The following ANKRD36B variants were observed in gnomAD, a reference collection of about 807,000 sequenced individuals.
ANKRD36B encodes the protein ankyrin repeat domain 36B.
ANKRD36B carries 37 observed loss-of-function variants against 135.7 expected under a neutral mutation model. That is an observed-to-expected ratio of 0.27 (90% confidence interval 0.21 to 0.36). The LOEUF (loss-of-function observed/expected upper bound fraction) is 0.36. Among genes scored for constraint, ANKRD36B ranks in the 10% least tolerant of loss-of-function variants. The pLI is 1.00. For missense variants in ANKRD36B, 549 were observed against 1,037.1 expected, an observed-to-expected ratio of 0.53 and a Z score of 6.46; for synonymous variants, 179 against 348.1, an observed-to-expected ratio of 0.51 and a Z score of 5.41.
chr2:97,586,205 A>G (rs1458184305), intron 1 of ANKRD36B, among the ~76,000 whole-genome samples: 13 of 152,288 alleles, frequency 8.5e-5, no homozygotes, highest in African/African-American at 3.1e-4. Context: ...TCTTACTTCA[A>G]CTTTCAAAAA....
chr2:97,525,557 T>C (rs1329846663), intron 35 of ANKRD36B, among the ~76,000 whole-genome samples: 1 of 95,388 alleles, frequency 1.0e-5, no homozygotes, highest in Non-Finnish European at 2.8e-5. Flanking sequence ...GGGTGCAGGA[T>C]AGTGGGTGCA....
At chr2:97,542,797 C>T (rs1369263113) in intron 26 of ANKRD36B, among the ~76,000 whole-genome samples, 1 of 125,368 alleles carries the variant, frequency 8.0e-6, no homozygotes, top group Non-Finnish European at 1.8e-5. Context: ...CAATAAAAAG[C>T]ATCATCAATT....
At chr2:97,566,213 C>T (rs1021888162) in intron 6 of ANKRD36B, among the ~76,000 whole-genome samples, 4 of 151,694 alleles carry the variant, frequency 2.6e-5, no homozygotes, top group Admixed American at 2.6e-4. Context: ...CCCAGCTACT[C>T]GGGAGGCTGA....
intron 6 of ANKRD36B, among the ~76,000 whole-genome samples, chr2:97,571,419 G>A (rs561289986): frequency 2.6e-5 from 4 of 151,868 alleles, no homozygotes; most frequent in South Asian, 4.2e-4. Flanking sequence ...AGGCTGGGGC[G>A]GGCGGATCAC....
At chr2:97,500,352 TAAA>T (rs2077340230) in intron 43 of ANKRD36B, among the ~76,000 whole-genome samples, 1 of 95,458 alleles carries the variant, frequency 1.0e-5, no homozygotes, top group Non-Finnish European at 2.9e-5. Flanking sequence ...AGAAAAAATT[TAAA>T]AACATATTTT....
At chr2:97,544,271 G>A (rs1559145622) in intron 24 of ANKRD36B, among the ~76,000 whole-genome samples, 1 of 81,842 alleles carries the variant, frequency 1.2e-5, no homozygotes, top group East Asian at 2.6e-4. Context: ...CAAGTGATGA[G>A]GACAAATGTG....
Position 97,527,498 on chromosome 2 carries a change from A to G in ANKRD36B, c.2266-4031T>C, listed in dbSNP as rs969219693. ...AGACTAGGAAGAAACTGCATTAACT[A>G]ACGAGCAAAATAACTAGCTAACATC... is the stretch of plus-strand genomic sequence containing the variant. On this transcript the variant is annotated intron_variant, in intron 35 of 43. Coordinates refer to ENST00000359901, the MANE Select transcript of ANKRD36B (RefSeq NM_001393939.1). 4.2e-5 allele frequency among the ~76,000 whole-genome samples: 4 copies of G among 94,636 alleles called. 1 individual carries two copies. The highest frequency in any genetic ancestry group is 1.3e-4 in the African/African-American group (4 of 31,350). 62.1% of individuals were successfully genotyped at this position (94,636 alleles called of 152,430 possible). A position where few individuals can be genotyped will look rare whatever the true frequency, so the allele number is the denominator to read the frequency against.
chr2:97,556,838 A>G, intron 12 of ANKRD36B, 99 bp downstream of exon 12: 3 of 1,499,556 alleles, frequency 2.0e-6, no homozygotes, highest in South Asian at 1.3e-5. Context: ...GCTGAATCAG[A>G]AAGTGCATTT....
rs541422550 is a variant in ANKRD36B, at chr2:97,574,666, G to A, written c.763+1713C>T. 1.1e-4 allele frequency among the ~76,000 whole-genome samples: 16 copies of A among 152,238 alleles called. No homozygotes were observed. The East Asian group carries it at 2.5e-3, about 24-fold the overall frequency. ...TTATGATTCCATGTTGGAGAGAGTC[G>A]GGATGTATGTGCTTTGGACAAGGTG... On this transcript the variant is annotated intron_variant, in intron 6 of 43. Transcript: ENST00000359901.
At chr2:97,572,868 C>T (rs983413572) in intron 6 of ANKRD36B, among the ~76,000 whole-genome samples, 1 of 151,096 alleles carries the variant, frequency 6.6e-6, no homozygotes, top group Non-Finnish European at 1.5e-5. Flanking sequence ...TTCTCCATGA[C>T]ATTATATAAA....
At position 97,541,277 on chromosome 2, in the gene ANKRD36B, C is replaced by G. The variant is rs1236190221; in HGVS notation, c.1885+634G>C. Among the ~76,000 whole-genome samples the G allele has an allele frequency of 1.2e-4, 12 of 96,576 alleles. 5 individuals are homozygous for G. The highest frequency in any genetic ancestry group is 3.7e-4 in the African/African-American group (12 of 32,384). 63.4% of individuals were successfully genotyped at this position (96,576 alleles called of 152,430 possible). A position where few individuals can be genotyped will look rare whatever the true frequency, so the allele number is the denominator to read the frequency against. ...AGAGTAATGAGTCAGTGTGCTTTATCCCAATTCTAGCATTGTTTCCTGCTT... is the reference window on the plus strand; with the variant it reads ...AGAGTAATGAGTCAGTGTGCTTTATGCCAATTCTAGCATTGTTTCCTGCTT... On this transcript the variant is annotated intron_variant, in intron 28 of 43. Transcript: ENST00000359901.
rs1293285653 is a variant in ANKRD36B at position 97,585,312 on chromosome 2, T to C, written c.248A>G (p.Asp83Gly). 18 of 1,575,746 alleles carry C rather than the reference T, an allele frequency of 1.1e-5. No individual in the cohort carries two copies. The highest frequency in any genetic ancestry group is 1.3e-5 in the Non-Finnish European group (15 of 1,158,988). ...GATCAGAGGTGTCCTGTCTTCACGG[T>C]CGCAGAGGTTAAGCTCACATCTTCT... ...VSRRCELNLCDREDRTPLIKA... is the reference protein window; with the variant it reads ...VSRRCELNLCGREDRTPLIKA... Residue 83 changes from aspartate (D) to glycine (G), a missense_variant, in exon 2 of 44, where the codon GAC becomes GGC. Coordinates refer to ENST00000359901, the MANE Select transcript of ANKRD36B (RefSeq NM_001393939.1).
At position 97,555,216 on chromosome 2, in the gene ANKRD36B, A is replaced by G. The variant is rs776829547; in HGVS notation, c.1098+10T>C. The G allele has an allele frequency of 1.1e-5, 17 of 1,611,208 alleles. No individual in the cohort carries two copies. The highest frequency in any genetic ancestry group is 1.7e-4 in the Middle Eastern group (1 of 6,058). ...TTACTAATACAAAATATAAATGAGA[A>G]TTTAATTACCTTTGAGGCTGGTTGT... is the stretch of plus-strand genomic sequence containing the variant. On this transcript the variant is annotated intron_variant, in intron 13 of 43. Coordinates refer to ENST00000359901, the MANE Select transcript of ANKRD36B (RefSeq NM_001393939.1).
At position 97,526,978 on chromosome 2, in the gene ANKRD36B, C is replaced by G. The variant is rs187720389; in HGVS notation, c.2266-3511G>C. On this transcript the variant is annotated intron_variant, in intron 35 of 43. Transcript: ENST00000359901. ...GAATGGAACCAAGTTGGAAAACACTCTTCAGGATATTATCCAGGAGAACTT... is the reference window on the plus strand; with the variant it reads ...GAATGGAACCAAGTTGGAAAACACTGTTCAGGATATTATCCAGGAGAACTT... Among the ~76,000 whole-genome samples the G allele has an allele frequency of 4.9e-3, 472 of 96,742 alleles. 111 individuals carry two copies. The East Asian group carries it at 0.07, about 14-fold the overall frequency. The allele number at this position is 96,742 out of a possible 152,430, so 63.5% of individuals were successfully genotyped here.
At chr2:97,566,042 A>T (rs1446618302) in intron 6 of ANKRD36B, among the ~76,000 whole-genome samples, 1 of 151,958 alleles carries the variant, frequency 6.6e-6, no homozygotes. Flanking sequence ...GGCTGGGCAC[A>T]GTGGCTCATG....
chr2:97,535,486 AACACACACACAC>A (rs201309834), intron 34 of ANKRD36B, among the ~76,000 whole-genome samples: 5 of 108,120 alleles, frequency 4.6e-5, no homozygotes, highest in East Asian at 4.6e-4. Context: ...AAAAAAATAA[AACACACACACAC>A]ACACACACAC....
At chr2:97,549,355 T>G in intron 20 of ANKRD36B, 64 bp downstream of exon 20, 1 of 1,497,428 alleles carries the variant, frequency 6.7e-7, no homozygotes, top group Non-Finnish European at 9.0e-7. Context: ...GCTGATTTAT[T>G]TGGGGAAGAG....
chr2:97,538,712 A>G lies in ANKRD36B; in HGVS notation c.1988-349T>C, dbSNP rs572868181. Among the ~76,000 whole-genome samples the G allele has an allele frequency of 3.6e-4, 35 of 97,434 alleles. 3 individuals are homozygous for G. The highest frequency in any genetic ancestry group is 1.1e-3 in the African/African-American group (35 of 32,584). 63.9% of individuals were successfully genotyped at this position (97,434 alleles called of 152,430 possible). A position where few individuals can be genotyped will look rare whatever the true frequency, so the allele number is the denominator to read the frequency against. On this transcript the variant is annotated intron_variant, in intron 30 of 43. Transcript: ENST00000359901. ...ATACACCCAGGAACCAATGTCAAAG[A>G]AGGTACTAAATGCTACTGCATGTTT... is the stretch of plus-strand genomic sequence containing the variant.
chr2:97,566,248 G>A (rs1179754706), intron 6 of ANKRD36B, among the ~76,000 whole-genome samples: 1 of 152,036 alleles, frequency 6.6e-6, no homozygotes, highest in Non-Finnish European at 1.5e-5. Context: ...TCAAACTCAG[G>A]AGGCAGAGGT....
Sources: gnomAD v4.1 joint callset for allele counts (sites outside exome capture counted in the v4.1 genomes callset) on GRCh38, gnomAD v4.1.1 for gene constraint, MANE v1.5 for transcripts, NCBI Gene and HGNC (gene_info 2026-07-23, HGNC 2026-07-21) for gene names.